DNAH5: variants seen among roughly 807,000 people sequenced by gnomAD.
DNAH5 encodes dynein axonemal heavy chain 5.
DNAH5 carries 372 observed loss-of-function variants against 518.2 expected under a neutral mutation model. The ratio of observed to expected loss-of-function variants is 0.72; its 90% CI spans 0.66 to 0.78. The LOEUF is 0.78. Among genes scored for constraint, DNAH5 ranks in the 30% least tolerant of loss-of-function variants. DNAH5 has a pLI of 0.00. For synonymous variants in DNAH5, 2,039 were observed against 2,025.9 expected, an observed-to-expected ratio of 1.01 and a Z score of -0.17; for missense variants, 5,523 against 5,687.0, an observed-to-expected ratio of 0.97 and a Z score of 0.93.
At chr5:13,717,173 C>A in intron 73 of DNAH5, 142 bp downstream of exon 73, 2 of 767,328 alleles carry the variant, frequency 2.6e-6, no homozygotes, top group Non-Finnish European at 4.5e-6. Context: ...GCAAGTGTGA[C>A]CCAAATTGCT....
Position 13,804,407 on chromosome 5 carries a change from A to G in DNAH5, c.7887+3184T>C, listed in dbSNP as rs77639178. Among the ~76,000 whole-genome samples the G allele has an allele frequency of 2.2e-3, 332 of 152,286 alleles. 3 individuals carry two copies. Among genetic ancestry groups the G allele is most frequent in the African/African-American group, 7.7e-3 (321 of 41,560 alleles). ...AACAGCTGAGAAATGGACAGTATCT[A>G]TTTTCTCATCTACAATTTCAGTTTG... On this transcript the variant is annotated intron_variant, in intron 47 of 78. Coordinates refer to ENST00000265104, the MANE Select transcript of DNAH5 (RefSeq NM_001369.3).
intron 69 of DNAH5, among the ~76,000 whole-genome samples, chr5:13,729,199 G>C (rs989969541): frequency 6.6e-6 from 1 of 152,054 alleles, no homozygotes; most frequent in African/African-American, 2.4e-5. Flanking sequence ...CTAACATATG[G>C]CCCAGGATGG....
In DNAH5 at chr5:13,920,483, TTCTG is replaced by T. The variant is rs1391084505; in HGVS notation, c.791_794del (p.Thr264AsnfsTer11). ...ATGTTTGGTTTCTCAAAATTACCTG[TTCTG>T]TCTGTTTGATCCATACTTTCATGCA... On this transcript the variant is annotated frameshift_variant, in exon 6 of 79. Transcript: ENST00000265104. LOFTEE classifies it high-confidence loss of function. The T allele has an allele frequency of 1.2e-6, 2 of 1,614,188 alleles. No individual in the cohort carries two copies. The highest frequency in any genetic ancestry group is 1.7e-6 in the Non-Finnish European group (2 of 1,180,016).
intron 1 of DNAH5, among the ~76,000 whole-genome samples, chr5:13,956,767 T>C (rs1252535563): frequency 6.6e-6 from 1 of 152,224 alleles, no homozygotes; most frequent in Non-Finnish European, 1.5e-5. Flanking sequence ...TTTATTATCA[T>C]TTTATTGAGT....
rs190186656 is a variant in DNAH5, at chr5:13,961,365, C to T, written c.13-30121G>A. Among the ~76,000 whole-genome samples, 604 of 152,198 alleles carry T rather than the reference C, an allele frequency of 4.0e-3. 2 individuals carry two copies. Among genetic ancestry groups the T allele is most frequent in the African/African-American group, 0.014 (592 of 41,522 alleles). On this transcript the variant is annotated intron_variant, in intron 1 of 78. Transcript: ENST00000681290. ...TCAGAGATGGAAAGGTAAAGCGAGC[C>T]GGGCATGGTGGCTCACGCCTGTAAT...
In DNAH5 at chr5:13,870,473, A is replaced by G. The variant is rs795509; in HGVS notation, c.3834+294T>C. Among the ~76,000 whole-genome samples the G allele has an allele frequency of 0.9, 137,470 of 152,192 alleles. 62,176 individuals are homozygous for G. Among genetic ancestry groups the G allele is most frequent in the East Asian group, 0.95 (4,903 of 5,168 alleles). On this transcript the variant is annotated intron_variant, in intron 24 of 78. Coordinates refer to ENST00000265104, the MANE Select transcript of DNAH5 (RefSeq NM_001369.3). ...GCTGAAGTTAGTCCATAGCTGATTG[A>G]CTTCCTTTCCTGATTCCCTCGCCCC...
intron 42 of DNAH5, 74 bp from the exon 43 acceptor site, chr5:13,814,920 G>C: frequency 7.3e-7 from 1 of 1,377,630 alleles, no homozygotes; most frequent in Non-Finnish European, 1.0e-6. Flanking sequence ...GTTTAAAATA[G>C]CTTGAAGAAC....
chr5:13,887,769 T>G (rs7735890), intron 17 of DNAH5, among the ~76,000 whole-genome samples: 62,267 of 151,892 alleles, frequency 0.41, 13,508 homozygotes, highest in East Asian at 0.69. Context: ...TCTCTCAACC[T>G]TCCACTGCCC....
intron 65 of DNAH5, among the ~76,000 whole-genome samples, chr5:13,741,795 C>T (rs1303558868): frequency 6.6e-6 from 1 of 152,076 alleles, no homozygotes; most frequent in African/African-American, 2.4e-5. Context: ...GTTTTGACAT[C>T]AGGAAGACAT....
At position 13,793,944 on chromosome 5, in the gene DNAH5, C is replaced by T. The variant is rs147236883; in HGVS notation, c.8002G>A (p.Gly2668Arg). ...DVNMPIINEW[G>R]DQVTNEIVRQ... The stretch of plus-strand genomic sequence containing the variant: ...CAATAGAATGATGATACCTGATCTC[C>T]CCACTCATTGATTATTGGCATATTC... The change falls in exon 48 of 79, where the codon GGA (glycine) becomes AGA (arginine). Residue 2668 changes from glycine (G) to arginine (R), a missense_variant. Transcript: ENST00000265104. 314 of 1,613,886 alleles carry T rather than the reference C, an allele frequency of 1.9e-4. No individual in the cohort carries two copies. In the African/African-American group the frequency reaches 3.8e-3, roughly 19 times the overall value.
intron 1 of DNAH5, among the ~76,000 whole-genome samples, chr5:13,981,730 C>A (rs1782686161): frequency 6.6e-6 from 1 of 152,192 alleles, no homozygotes; most frequent in Admixed American, 6.5e-5. Context: ...AGATCAATAT[C>A]TTGATCTCCA....
intron 65 of DNAH5, among the ~76,000 whole-genome samples, chr5:13,738,858 C>A (rs1016569082): frequency 6.6e-6 from 1 of 152,056 alleles, no homozygotes; most frequent in Non-Finnish European, 1.5e-5. Flanking sequence ...TAAAATGATA[C>A]GTACAAATTT....
At chr5:13,803,818 T>G (rs968584791) in intron 47 of DNAH5, among the ~76,000 whole-genome samples, 5 of 152,298 alleles carry the variant, frequency 3.3e-5, no homozygotes, top group Non-Finnish European at 7.3e-5. Context: ...TGGTTACTTA[T>G]TTTATAGATT....
At chr5:13,748,346 G>T (rs1749707620) in intron 65 of DNAH5, among the ~76,000 whole-genome samples, 1 of 152,154 alleles carries the variant, frequency 6.6e-6, no homozygotes, top group Non-Finnish European at 1.5e-5. Context: ...GCTTAGGATT[G>T]TCTTGGCAAT....
Position 13,884,365 on chromosome 5 carries a change from G to T in DNAH5, c.2983+624C>A, listed in dbSNP as rs374914861. The stretch of plus-strand genomic sequence containing the variant: ...ATATTTTTTCATCTTATTACAAAAA[G>T]ATTAAACGTACTACCAATTTTCATG... On this transcript the variant is annotated intron_variant, in intron 19 of 78. Transcript: ENST00000265104. Among the ~76,000 whole-genome samples the T allele has an allele frequency of 6.6e-4, 101 of 152,090 alleles. 1 individual carries two copies. In the South Asian group the frequency reaches 0.018, roughly 27 times the overall value.
At chr5:13,778,674 C>T (rs1243716838) in intron 53 of DNAH5, among the ~76,000 whole-genome samples, 1 of 152,162 alleles carries the variant, frequency 6.6e-6, no homozygotes, top group Non-Finnish European at 1.5e-5. Flanking sequence ...GGGAAATTTT[C>T]AACCCGATCT....
intron 1 of DNAH5, 115 bp from the exon 2 acceptor site, chr5:13,931,359 C>A: frequency 8.2e-7 from 1 of 1,223,868 alleles, no homozygotes; most frequent in Non-Finnish European, 1.2e-6. Flanking sequence ...AGATAATAGA[C>A]AGCTTAATGG....
intron 13 of DNAH5, among the ~76,000 whole-genome samples, chr5:13,901,821 T>G (rs1181560979): frequency 6.6e-6 from 1 of 152,108 alleles, no homozygotes; most frequent in Non-Finnish European, 1.5e-5. Context: ...TTATAGGCAG[T>G]CACAAGGTAC....
intron 1 of DNAH5, among the ~76,000 whole-genome samples, chr5:13,957,942 C>A (rs1274267168): frequency 6.6e-6 from 1 of 151,536 alleles, no homozygotes; most frequent in Admixed American, 6.6e-5. Flanking sequence ...CTCCCGTTTT[C>A]TTAAAAATAA....
Sources: gnomAD v4.1 joint callset for allele counts (sites outside exome capture counted in the v4.1 genomes callset) on GRCh38, gnomAD v4.1.1 for gene constraint, MANE v1.5 for transcripts, NCBI Gene and HGNC (gene_info 2026-07-23, HGNC 2026-07-21) for gene names.